Variants in PDE10A observed in about 807,000 individuals in gnomAD.
PDE10A encodes cAMP and cAMP-inhibited cGMP 3',5'-cyclic phosphodiesterase 10A.
Under a neutral mutation model 97.7 loss-of-function variants are expected in PDE10A, and 39 were observed. The ratio of observed to expected loss-of-function variants is 0.40; its 90% CI spans 0.31 to 0.52. The LOEUF is 0.52. PDE10A is among the 20% of genes least tolerant of loss of function. PDE10A has a pLI of 0.56. For synonymous variants in PDE10A, 371 were observed against 376.8 expected (o/e 0.98, Z 0.18); for missense variants, 731 against 1,047.8 (o/e 0.70, Z 4.17).
At chr6:165,585,965 G>T (rs1039868940) in intron 1 of PDE10A, among the ~76,000 whole-genome samples, 6 of 152,076 alleles carry the variant, frequency 3.9e-5, no homozygotes, top group African/African-American at 1.4e-4. Flanking sequence ...GCCGCCACAA[G>T]CAGCTATCAA....
At chr6:165,744,831 G>A (rs190820219) in intron 1 of PDE10A, among the ~76,000 whole-genome samples, 1 of 145,442 alleles carries the variant, frequency 6.9e-6, no homozygotes, top group African/African-American at 2.7e-5. Flanking sequence ...TTTTAAATAT[G>A]GGATTATGAA....
At chr6:165,677,204 G>A (rs576150577) in intron 1 of PDE10A, among the ~76,000 whole-genome samples, 3 of 152,188 alleles carry the variant, frequency 2.0e-5, no homozygotes. Context: ...GGCCTCATCC[G>A]ATCAGTGGAC....
chr6:165,965,681 T>G (rs1240447195), intron 1 of PDE10A, among the ~76,000 whole-genome samples: 1 of 152,226 alleles, frequency 6.6e-6, no homozygotes, highest in African/African-American at 2.4e-5. Context: ...TCCTTGCAAC[T>G]AAAAAACTGT....
chr6:165,620,059 C>T (rs1354779292), intron 1 of PDE10A, among the ~76,000 whole-genome samples: 1 of 151,938 alleles, frequency 6.6e-6, no homozygotes, highest in Non-Finnish European at 1.5e-5. Flanking sequence ...GAAGCTGAGA[C>T]CACATTTCTG....
intron 1 of PDE10A, among the ~76,000 whole-genome samples, chr6:165,836,628 G>T (rs922866393): frequency 6.6e-6 from 1 of 152,186 alleles, no homozygotes; most frequent in African/African-American, 2.4e-5. Flanking sequence ...TGACCTCTGC[G>T]GTCAGTGATA....
rs74609900 is a variant in PDE10A at position 165,930,397 on chromosome 6, G to A, written c.-615+57132C>T. 7.3e-3 allele frequency among the ~76,000 whole-genome samples: 1,118 copies of A among 152,288 alleles called. 5 individuals are homozygous for A. The highest frequency in any genetic ancestry group is 0.024 in the Middle Eastern group (7 of 294). Reference sequence around the variant, plus strand: ...CCCAGCAGGCAGGAAGGAAACACTTGAATTTCCTTCCTTTGCATGCGTTCT... The same window carrying A: ...CCCAGCAGGCAGGAAGGAAACACTTAAATTTCCTTCCTTTGCATGCGTTCT... On this transcript the variant is annotated intron_variant, in intron 1 of 19. Coordinates refer to the PDE10A transcript ENST00000366882.
intron 1 of PDE10A, among the ~76,000 whole-genome samples, chr6:165,579,729 T>C (rs1785507231): frequency 1.3e-5 from 2 of 152,128 alleles, no homozygotes; most frequent in Admixed American, 6.5e-5. Flanking sequence ...CATCCCCTCA[T>C]CTCACACAGC....
intron 1 of PDE10A, among the ~76,000 whole-genome samples, chr6:165,613,653 T>C (rs1367845824): frequency 6.6e-6 from 1 of 151,994 alleles, no homozygotes; most frequent in Non-Finnish European, 1.5e-5. Flanking sequence ...AAAACAATAA[T>C]AATAAAACAC....
chr6:165,968,027 G>A (rs1341915559), intron 1 of PDE10A, among the ~76,000 whole-genome samples: 3 of 152,192 alleles, frequency 2.0e-5, no homozygotes, highest in Admixed American at 2.0e-4. Flanking sequence ...AGATGTCCAA[G>A]GTTAGGAGAC....
At chr6:165,916,135 T>C (rs1001470499) in intron 1 of PDE10A, among the ~76,000 whole-genome samples, 1 of 152,258 alleles carries the variant, frequency 6.6e-6, no homozygotes, top group Non-Finnish European at 1.5e-5. Flanking sequence ...TGTGTAATGA[T>C]TCCATTTTAA....
chr6:165,413,016 C>T (rs1217144759), intron 13 of PDE10A, among the ~76,000 whole-genome samples: 2 of 152,000 alleles, frequency 1.3e-5, no homozygotes, highest in African/African-American at 4.8e-5. Flanking sequence ...GTACAACTTT[C>T]ACGAGGACTG....
At chr6:165,731,076 A>G (rs534391840) in intron 1 of PDE10A, among the ~76,000 whole-genome samples, 9 of 152,246 alleles carry the variant, frequency 5.9e-5, no homozygotes, top group African/African-American at 1.9e-4. Context: ...AAAAATGTCA[A>G]TTGTACAGAA....
chr6:165,908,226 G>T (rs116024769), intron 1 of PDE10A, among the ~76,000 whole-genome samples: 3,908 of 152,280 alleles, frequency 0.026, 149 homozygotes, highest in African/African-American at 0.09. Context: ...GTCCCTGTTC[G>T]CAGAGAGCCA....
intron 1 of PDE10A, among the ~76,000 whole-genome samples, chr6:165,946,559 C>T (rs899907962): frequency 6.7e-6 from 1 of 148,880 alleles, no homozygotes; most frequent in African/African-American, 2.5e-5. Flanking sequence ...TTAAAAAATG[C>T]TAAGAGTAGA....
chr6:165,732,578 G>C (rs1792465383), intron 1 of PDE10A, among the ~76,000 whole-genome samples: 1 of 152,248 alleles, frequency 6.6e-6, no homozygotes, highest in African/African-American at 2.4e-5. Context: ...ACCCTATTGA[G>C]TGAGCAGGCC....
chr6:165,905,483 C>T (rs2948550), intron 1 of PDE10A, among the ~76,000 whole-genome samples: 121,532 of 152,112 alleles, frequency 0.8, 48,880 homozygotes, highest in East Asian at 0.97. Context: ...CACTAACAAA[C>T]ACTTTTTATT....
rs1466589951 is a variant in PDE10A at position 165,671,784 on chromosome 6, C to G, written c.-614-128216G>C. Among the ~76,000 whole-genome samples, 1 of 152,068 alleles carries G rather than the reference C, an allele frequency of 6.6e-6. No individual in the cohort carries two copies. The highest frequency in any genetic ancestry group is 1.5e-5 in the Non-Finnish European group (1 of 68,018). ...ATACAGTGTGTGTGTGCTTTATTCT[C>G]TAAGGCAGGATGTTTATATTCAGTA... On this transcript the variant is annotated intron_variant, in intron 1 of 19. Coordinates refer to the PDE10A transcript ENST00000366882. This position sits in a 1 kb window ranked among gnomAD's most constrained non-coding sequence, Gnocchi z 4.6.
rs532906519 is a variant in PDE10A, at chr6:165,745,979, G to A, written c.-614-202411C>T. On this transcript the variant is annotated intron_variant, in intron 1 of 19. Coordinates refer to the PDE10A transcript ENST00000366882. ...TAAGCTGGATGGCAGCTACAAGGAC[G>A]TTTGTTATACTATTCTTTGTATATT... Among the ~76,000 whole-genome samples the A allele has an allele frequency of 1.4e-4, 21 of 152,260 alleles. No homozygotes were observed. The South Asian group carries it at 2.5e-3, about 18-fold the overall frequency.
intron 21 of PDE10A, among the ~76,000 whole-genome samples, chr6:165,335,528 T>A (rs1781592717): frequency 6.6e-6 from 1 of 151,858 alleles, no homozygotes; most frequent in South Asian, 2.1e-4. Flanking sequence ...GCTGTACGAG[T>A]CATGAGAGCC....
Sources: gnomAD v4.1 joint callset for allele counts (sites outside exome capture counted in the v4.1 genomes callset) on GRCh38, gnomAD v4.1.1 for gene constraint, Gnocchi (gnomAD v3.1) non-coding constraint, MANE v1.5 for transcripts, NCBI Gene and HGNC (gene_info 2026-07-23, HGNC 2026-07-21) for gene names.